Variants in UBAP1 observed in about 807,000 individuals in gnomAD.
The protein encoded by UBAP1 is ubiquitin associated protein 1, also known as ubiquitin-associated protein 1.
In UBAP1, 5 loss-of-function variants were observed where a neutral mutation model predicts 39.0. The observed-to-expected ratio is 0.13, with a 90% CI of 0.07 to 0.27. The LOEUF (loss-of-function observed/expected upper bound fraction) is 0.27, where lower values mean the gene tolerates loss of function less well. Among genes scored for constraint, UBAP1 ranks in the 10% least tolerant of loss-of-function variants. The pLI is 1.00. For synonymous variants in UBAP1, 211 were observed against 225.1 expected, an observed-to-expected ratio of 0.94 and a Z score of 0.56; for missense variants, 490 against 608.1, an observed-to-expected ratio of 0.81 and a Z score of 2.04.
chr9:34,241,593 C>A lies in UBAP1; in HGVS notation c.568C>A (p.Pro190Thr), dbSNP rs888018595. ...AAATATTCTGGTAGGAACCACTGGACCCATTATGGCTCAGTTATTGGACAA... is the reference window on the plus strand; with the variant it reads ...AAATATTCTGGTAGGAACCACTGGAACCATTATGGCTCAGTTATTGGACAA... Reference protein sequence around the residue: ...LRNILVGTTGPIMAQLLDNNL... With the variant: ...LRNILVGTTGTIMAQLLDNNL... The change falls in exon 4 of 7, where the codon CCC becomes ACC. Residue 190 changes from proline (P) to threonine (T), a missense_variant. Pro to Thr is a conservative substitution (Grantham distance 38). Transcript: ENST00000297661. The A allele has an allele frequency of 6.8e-6, 11 of 1,613,968 alleles. No homozygotes were observed. Among genetic ancestry groups the A allele is most frequent in the Admixed American group, 1.7e-5 (1 of 59,994 alleles).
chr9:34,227,300 T>TTATA (rs1201723504), intron 2 of UBAP1, among the ~76,000 whole-genome samples: 1 of 152,108 alleles, frequency 6.6e-6, no homozygotes, highest in Non-Finnish European at 1.5e-5. Flanking sequence ...TTTTTTTGTT[T>TTATA]TATTTATTTA....
chr9:34,208,680 A>C (rs2131550526), intron 1 of UBAP1, among the ~76,000 whole-genome samples: 1 of 151,472 alleles, frequency 6.6e-6, no homozygotes, highest in South Asian at 2.1e-4. Flanking sequence ...TGGGAGGCTG[A>C]GGCAGGTCAA....
intron 2 of UBAP1, among the ~76,000 whole-genome samples, chr9:34,222,500 G>C (rs988934341): frequency 6.6e-6 from 1 of 152,072 alleles, no homozygotes; most frequent in Non-Finnish European, 1.5e-5. Flanking sequence ...ATAGTAGAAA[G>C]GCAGATCTGG....
In UBAP1 at chr9:34,198,387, G is replaced by T. The variant is rs574801646; in HGVS notation, c.-8+19147G>T. ...TGCTCCAAGGTTAGACGGGTTCTGT[G>T]GCCGGGCTGCCTGGTTGGGCAGGCA... On this transcript the variant is annotated intron_variant, in intron 1 of 6. Transcript: ENST00000297661. Among the ~76,000 whole-genome samples, 206 of 152,292 alleles carry T rather than the reference G, an allele frequency of 1.4e-3. 1 individual carries two copies. The highest frequency in any genetic ancestry group is 4.8e-3 in the African/African-American group (199 of 41,570).
intron 1 of UBAP1, among the ~76,000 whole-genome samples, chr9:34,217,884 G>A (rs567445508): frequency 4.7e-5 from 6 of 128,220 alleles, no homozygotes; most frequent in Admixed American, 9.9e-5. Flanking sequence ...TGCAACCTCC[G>A]TCTCCCAGCC....
At chr9:34,182,615 CCTTCTTTCT>C in intron 1 of UBAP1, among the ~76,000 whole-genome samples, 2 of 145,144 alleles carry the variant, frequency 1.4e-5, no homozygotes, top group Non-Finnish European at 1.5e-5. Context: ...TTCTTTCTTT[CCTTCTTTCT>C]TTCTTTCTTT....
chr9:34,209,750 T>C (rs879906756), intron 1 of UBAP1, among the ~76,000 whole-genome samples: 2 of 152,198 alleles, frequency 1.3e-5, no homozygotes, highest in African/African-American at 2.4e-5. Flanking sequence ...GAATTACATA[T>C]TATTGTATTT....
chr9:34,227,134 A>G (rs1435386080), intron 2 of UBAP1, among the ~76,000 whole-genome samples: 1 of 152,170 alleles, frequency 6.6e-6, no homozygotes, highest in Non-Finnish European at 1.5e-5. Context: ...CAGACAATGT[A>G]TATTAAAAAG....
At chr9:34,217,223 T>C (rs116132177) in intron 1 of UBAP1, among the ~76,000 whole-genome samples, 7 of 152,246 alleles carry the variant, frequency 4.6e-5, no homozygotes, top group Admixed American at 1.3e-4. Flanking sequence ...TGAATGGCCC[T>C]AGGCAGATAG....
chr9:34,189,506 G>T (rs890596708), intron 1 of UBAP1, among the ~76,000 whole-genome samples: 1 of 151,400 alleles, frequency 6.6e-6, no homozygotes, highest in Non-Finnish European at 1.5e-5. Context: ...ATGTCTTATA[G>T]GATACCTCAT....
chr9:34,188,424 T>A (rs563276245), intron 1 of UBAP1, among the ~76,000 whole-genome samples: 4 of 4,344 alleles, frequency 9.2e-4, no homozygotes, highest in African/African-American at 1.1e-3. Context: ...AGTCTTCAGC[T>A]TTTTTTTTTT....
At position 34,228,827 on chromosome 9, in the gene UBAP1, C is replaced by T. The variant is rs192616462; in HGVS notation, c.35-5389C>T. Among the ~76,000 whole-genome samples, 499 of 151,552 alleles carry T rather than the reference C, an allele frequency of 3.3e-3. 3 individuals carry two copies. Among genetic ancestry groups the T allele is most frequent in the African/African-American group, 0.011 (436 of 41,308 alleles). ...AAATCCTGACCTTGAGTGATCTATC[C>T]GCCTTGGCCTCCCAAAGTGCTGGGA... is the stretch of plus-strand genomic sequence containing the variant. On this transcript the variant is annotated intron_variant, in intron 2 of 6. Transcript: ENST00000297661.
chr9:34,186,968 C>T (rs1045732245), intron 1 of UBAP1, among the ~76,000 whole-genome samples: 3 of 151,956 alleles, frequency 2.0e-5, no homozygotes, highest in Non-Finnish European at 4.4e-5. Flanking sequence ...AGTGCAATGG[C>T]GTGATCTTGG....
chr9:34,179,552 G>T (rs1057213661), intron 1 of UBAP1, among the ~76,000 whole-genome samples: 13 of 152,096 alleles, frequency 8.5e-5, no homozygotes, highest in African/African-American at 3.1e-4. Flanking sequence ...CTGAGAACTC[G>T]GTGGGAACTA....
At chr9:34,196,316 ATT>A (rs67508118) in intron 1 of UBAP1, among the ~76,000 whole-genome samples, 464 of 135,484 alleles carry the variant, frequency 3.4e-3, no homozygotes, top group East Asian at 0.026. Context: ...ATTAAAAACA[ATT>A]TTTTTTTTTT....
intron 6 of UBAP1, 107 bp from the exon 7 acceptor site, chr9:34,251,285 T>C: frequency 1.6e-6 from 2 of 1,221,240 alleles, no homozygotes; most frequent in Non-Finnish European, 2.3e-6. Flanking sequence ...GGGAAGGATG[T>C]AGACATTCTG....
At chr9:34,211,666 T>C (rs992899461) in intron 1 of UBAP1, among the ~76,000 whole-genome samples, 1 of 152,192 alleles carries the variant, frequency 6.6e-6, no homozygotes, top group Admixed American at 6.5e-5. Flanking sequence ...TTTTTTATTA[T>C]TACTTTTTAA....
chr9:34,222,383 A>G lies in UBAP1; in HGVS notation c.34+1435A>G, dbSNP rs1318222028. 5.3e-5 allele frequency among the ~76,000 whole-genome samples: 8 copies of G among 152,154 alleles called. No homozygotes were observed. In the South Asian group the frequency reaches 6.2e-4, roughly 12 times the overall value. On this transcript the variant is annotated intron_variant, in intron 2 of 6. Transcript: ENST00000297661. ...TTAAAAATCCTTTTGAAGTTATTCA[A>G]ACTCTGGAATTAGCATTCCTTAAAG...
At chr9:34,214,796 A>G (rs960428804) in intron 1 of UBAP1, among the ~76,000 whole-genome samples, 11 of 152,180 alleles carry the variant, frequency 7.2e-5, no homozygotes, top group East Asian at 1.9e-4. Flanking sequence ...GAAAAAAACA[A>G]TCCCATCAAA....
Sources: gnomAD v4.1 joint callset for allele counts (sites outside exome capture counted in the v4.1 genomes callset) on GRCh38, gnomAD v4.1.1 for gene constraint, MANE v1.5 for transcripts, NCBI Gene and HGNC (gene_info 2026-07-23, HGNC 2026-07-21) for gene names.